The following ANO6 variants were observed in gnomAD, a reference collection of about 807,000 sequenced individuals.
ANO6 encodes the protein anoctamin-6.
In ANO6, 106 loss-of-function variants were observed where a neutral mutation model predicts 117.5. The ratio of observed to expected loss-of-function variants is 0.90; its 90% CI spans 0.77 to 1.06. The LOEUF (loss-of-function observed/expected upper bound fraction) is 1.06, where lower values mean the gene tolerates loss of function less well. ANO6 is among the 50% of genes least tolerant of loss of function. The pLI is 0.00. For missense variants in ANO6, 955 were observed against 1,121.1 expected (o/e 0.85, Z 2.12); for synonymous variants, 367 against 385.1 (o/e 0.95, Z 0.55).
At chr12:45,225,517 C>G (rs1171213786) in intron 1 of ANO6, among the ~76,000 whole-genome samples, 2 of 151,042 alleles carry the variant, frequency 1.3e-5, no homozygotes, top group African/African-American at 4.9e-5. Flanking sequence ...GAGATGGAGT[C>G]TTACTCTTTT....
chr12:45,404,627 G>A (rs1450903949), intron 15 of ANO6, among the ~76,000 whole-genome samples: 2 of 151,792 alleles, frequency 1.3e-5, no homozygotes, highest in East Asian at 1.9e-4. Flanking sequence ...GCAAAGTTTC[G>A]TGTTTGTGAC....
chr12:45,268,795 C>T (rs1214133501), intron 1 of ANO6, among the ~76,000 whole-genome samples: 1 of 152,194 alleles, frequency 6.6e-6, no homozygotes, highest in Non-Finnish European at 1.5e-5. Context: ...GGTCATAGTC[C>T]TCCCCAGGAA....
At chr12:45,301,919 T>C (rs1190054067) in intron 1 of ANO6, 95 bp from the exon 2 acceptor site, 3 of 1,012,564 alleles carry the variant, frequency 3.0e-6, no homozygotes, top group Non-Finnish European at 4.7e-6. Context: ...GTGCTACCAA[T>C]GTTAATAACC....
intron 1 of ANO6, among the ~76,000 whole-genome samples, chr12:45,267,560 C>G (rs147751636): frequency 6.6e-6 from 1 of 152,074 alleles, no homozygotes; most frequent in African/African-American, 2.4e-5. Context: ...GAGGCCGAGG[C>G]GGGTGGATCA....
chr12:45,322,193 C>G (rs935736800), intron 2 of ANO6, among the ~76,000 whole-genome samples: 1 of 151,766 alleles, frequency 6.6e-6, no homozygotes, highest in South Asian at 2.1e-4. Flanking sequence ...GAGGGTGATA[C>G]GAGAAGAGAG....
At chr12:45,275,503 C>T (rs1356139326) in intron 1 of ANO6, among the ~76,000 whole-genome samples, 4 of 152,196 alleles carry the variant, frequency 2.6e-5, no homozygotes, top group Admixed American at 6.5e-5. Context: ...CCACCATGCC[C>T]GGCCTGTCTG....
chr12:45,371,967 A>C (rs1941852930), intron 9 of ANO6, among the ~76,000 whole-genome samples: 1 of 151,990 alleles, frequency 6.6e-6, no homozygotes, highest in South Asian at 2.1e-4. Flanking sequence ...CTTTGAAAAA[A>C]GTTTAGAAGA....
intron 1 of ANO6, among the ~76,000 whole-genome samples, chr12:45,216,612 G>A (rs1025439074): frequency 6.6e-6 from 1 of 152,228 alleles, no homozygotes; most frequent in Non-Finnish European, 1.5e-5. Flanking sequence ...TGGCCCCGAG[G>A]ACAGGCTCCT....
intron 9 of ANO6, among the ~76,000 whole-genome samples, chr12:45,376,703 G>C (rs1180642850): frequency 1.4e-5 from 2 of 145,896 alleles, no homozygotes; most frequent in African/African-American, 5.1e-5. Context: ...GGACTGTTGT[G>C]GGATGGGGGG....
intron 9 of ANO6, 23 bp downstream of exon 9, chr12:45,367,816 T>C (rs1303961840): frequency 1.3e-6 from 2 of 1,542,940 alleles, no homozygotes; most frequent in Non-Finnish European, 1.8e-6. Flanking sequence ...ATTGCCAATA[T>C]TTACACCTAA....
At chr12:45,420,488 T>C (rs1302764571) in intron 17 of ANO6, among the ~76,000 whole-genome samples, 1 of 151,792 alleles carries the variant, frequency 6.6e-6, no homozygotes, top group African/African-American at 2.4e-5. Context: ...CATGGTGGAG[T>C]GTACCTGTAA....
chr12:45,228,132 T>G lies in ANO6; in HGVS notation c.70+11741T>G, dbSNP rs777557676. The G allele has an allele frequency of 1.9e-4, 73 of 381,268 alleles. 1 individual carries two copies. Among genetic ancestry groups the G allele is most frequent in the South Asian group, 9.5e-4 (46 of 48,530 alleles). The allele number at this position is 381,268 out of a possible 1,614,324, so 23.6% of individuals were successfully genotyped here. ...CTAGGCTTTTTGTGTTGTTTTTTTT[T>G]TTTTTTTTTTTGACAGGGTCTCTTT... On this transcript the variant is annotated intron_variant, in intron 1 of 19. Coordinates refer to ENST00000320560, the MANE Select transcript of ANO6 (RefSeq NM_001025356.3).
chr12:45,420,031 G>T (rs919820533), intron 17 of ANO6, among the ~76,000 whole-genome samples: 1 of 151,112 alleles, frequency 6.6e-6, no homozygotes, highest in Non-Finnish European at 1.5e-5. Flanking sequence ...GTTTGACTAT[G>T]AATGGGACAA....
intron 1 of ANO6, among the ~76,000 whole-genome samples, chr12:45,228,674 A>T (rs1160284616): frequency 6.6e-6 from 1 of 152,140 alleles, no homozygotes; most frequent in African/African-American, 2.4e-5. Flanking sequence ...TTCAGAGCTC[A>T]CTGTTCGCTA....
chr12:45,402,405 C>T (rs142276338), intron 13 of ANO6, among the ~76,000 whole-genome samples: 1,866 of 151,544 alleles, frequency 0.012, 19 homozygotes, highest in Non-Finnish European at 0.017. Context: ...CACACTGCTA[C>T]GTGTCTTCCC....
chr12:45,249,268 A>C (rs1192076249), intron 1 of ANO6, among the ~76,000 whole-genome samples: 2 of 152,236 alleles, frequency 1.3e-5, no homozygotes. Flanking sequence ...ATTATCTAGG[A>C]AATAGTATGT....
intron 7 of ANO6, among the ~76,000 whole-genome samples, chr12:45,353,613 A>G (rs1941338923): frequency 6.6e-6 from 1 of 152,192 alleles, no homozygotes; most frequent in African/African-American, 2.4e-5. Flanking sequence ...CATTCAGGCT[A>G]TTAAACCTCA....
At chr12:45,235,628 T>A (rs1947633868) in intron 1 of ANO6, among the ~76,000 whole-genome samples, 1 of 152,184 alleles carries the variant, frequency 6.6e-6, no homozygotes, top group African/African-American at 2.4e-5. Flanking sequence ...CTCCAGCACC[T>A]GTGGCTCTTG....
chr12:45,356,422 A>G (rs902385239), intron 7 of ANO6, among the ~76,000 whole-genome samples: 4 of 152,194 alleles, frequency 2.6e-5, no homozygotes, highest in African/African-American at 9.6e-5. Context: ...ACCTGCATAT[A>G]TATTTTGACT....
Sources: gnomAD v4.1 joint callset for allele counts (sites outside exome capture counted in the v4.1 genomes callset) on GRCh38, gnomAD v4.1.1 for gene constraint, MANE v1.5 for transcripts, NCBI Gene and HGNC (gene_info 2026-07-23, HGNC 2026-07-21) for gene names.